The following P3H2 variants were observed in gnomAD, a reference collection of about 807,000 sequenced individuals.
P3H2 encodes leprecan-like 1.
A neutral mutation model predicts 87.0 loss-of-function variants in P3H2; 80 were observed. That is an observed-to-expected ratio of 0.92 (90% CI 0.77 to 1.11). P3H2 has a LOEUF of 1.11. Ranked by LOEUF, P3H2 falls within the 50% of genes least tolerant of loss-of-function variation. The pLI is 0.00. For missense variants in P3H2, 1,001 were observed against 923.9 expected (o/e 1.08, Z -1.08); for synonymous variants, 367 against 359.3 (o/e 1.02, Z -0.24).
intron 11 of P3H2, among the ~76,000 whole-genome samples, chr3:189,972,218 C>A (rs183871685): frequency 1.3e-5 from 2 of 152,228 alleles, no homozygotes; most frequent in African/African-American, 4.8e-5. Flanking sequence ...GAGCATGTCA[C>A]ACCTGTCTCT....
At chr3:190,101,750 A>AG (rs1711636166) in intron 1 of P3H2, among the ~76,000 whole-genome samples, 1 of 152,230 alleles carries the variant, frequency 6.6e-6, no homozygotes, top group Non-Finnish European at 1.5e-5. Context: ...TAATTAATAA[A>AG]GGTGGCTGCA....
At chr3:190,014,399 A>G (rs1724687530) in intron 1 of P3H2, among the ~76,000 whole-genome samples, 1 of 152,252 alleles carries the variant, frequency 6.6e-6, no homozygotes, top group South Asian at 2.1e-4. Context: ...CTAAAGGAGC[A>G]GACACCTAGG....
chr3:190,103,779 A>C (rs1711725502), intron 1 of P3H2, among the ~76,000 whole-genome samples: 1 of 152,122 alleles, frequency 6.6e-6, no homozygotes, highest in Admixed American at 6.5e-5. Context: ...TTTATTCAAC[A>C]TTAGAAAAGT....
chr3:190,095,303 CATATATATATAT>C lies in P3H2; in HGVS notation c.480+24937_480+24948del, dbSNP rs57074960. ...GTCTCAAAGACAAATTGTCTCAAAA[CATATATATATAT>C]ATATATATATATATATATATATATA... is the stretch of plus-strand genomic sequence containing the variant. On this transcript the variant is annotated intron_variant, in intron 1 of 14. Transcript: ENST00000319332. Among the ~76,000 whole-genome samples the C allele has an allele frequency of 7.0e-3, 345 of 49,438 alleles. 2 individuals are homozygous for C. The highest frequency in any genetic ancestry group is 0.011 in the African/African-American group (117 of 11,140). 32.4% of individuals were successfully genotyped at this position (49,438 alleles called of 152,430 possible). A position where few individuals can be genotyped will look rare whatever the true frequency, so the allele number is the denominator to read the frequency against.
chr3:190,043,455 A>G (rs1725704264), intron 1 of P3H2, among the ~76,000 whole-genome samples: 1 of 152,134 alleles, frequency 6.6e-6, no homozygotes, highest in Non-Finnish European at 1.5e-5. Flanking sequence ...TTAAACTTGT[A>G]CTTTACACAG....
At chr3:190,080,868 A>T (rs182887415) in intron 1 of P3H2, among the ~76,000 whole-genome samples, 2 of 152,374 alleles carry the variant, frequency 1.3e-5, no homozygotes. Context: ...TTGAATTCAC[A>T]GAAACCCTCC....
intron 1 of P3H2, among the ~76,000 whole-genome samples, chr3:190,055,166 T>A (rs1392546034): frequency 6.8e-6 from 1 of 146,352 alleles, no homozygotes; most frequent in Non-Finnish European, 1.5e-5. Flanking sequence ...TGACCCCTGT[T>A]GTCCACAAAC....
intron 1 of P3H2, among the ~76,000 whole-genome samples, chr3:190,001,646 A>G (rs189190682): frequency 1.1e-4 from 17 of 152,330 alleles, no homozygotes; most frequent in Middle Eastern, 3.4e-3. Flanking sequence ...CTAGCAGCAT[A>G]AGCACAACAG....
At chr3:190,010,232 T>G (rs1160973698) in intron 1 of P3H2, among the ~76,000 whole-genome samples, 1 of 152,072 alleles carries the variant, frequency 6.6e-6, no homozygotes, top group Non-Finnish European at 1.5e-5. Flanking sequence ...ATTTTGCAAA[T>G]AAGAAGAATG....
intron 1 of P3H2, among the ~76,000 whole-genome samples, chr3:190,042,854 A>AT (rs1380822126): frequency 2.0e-5 from 3 of 152,036 alleles, no homozygotes; most frequent in African/African-American, 7.2e-5. Context: ...AGCCCTTAAC[A>AT]TTTTTTTTCA....
Position 189,983,110 on chromosome 3 carries a change from T to C in P3H2, c.1260A>G (p.Ala420=). Residue 420 remains alanine, a synonymous_variant, in exon 8 of 15, where the codon GCA becomes GCG. Coordinates refer to ENST00000319332, the MANE Select transcript of P3H2 (RefSeq NM_018192.4). ...TTCCCATTGAGAATCCATGAACTTC[T>C]GCTCCCTCTACGTTCACTCCTGAAG... is the stretch of plus-strand genomic sequence containing the variant. ...RVPSGVNVEG[A]EVHGFSMGKK... is the part of the protein sequence containing the mutation. The C allele has an allele frequency of 6.2e-7, 1 of 1,613,936 alleles. No individual in the cohort carries two copies.
At chr3:190,013,127 G>A (rs1448494528) in intron 1 of P3H2, among the ~76,000 whole-genome samples, 1 of 152,104 alleles carries the variant, frequency 6.6e-6, no homozygotes, top group African/African-American at 2.4e-5. Context: ...AGGCACACAG[G>A]GCATGGATGT....
At chr3:190,050,848 A>G (rs1053952449) in intron 1 of P3H2, among the ~76,000 whole-genome samples, 1 of 152,218 alleles carries the variant, frequency 6.6e-6, no homozygotes, top group Non-Finnish European at 1.5e-5. Context: ...TACCTATACT[A>G]GTGACCTCCT....
chr3:190,027,372 C>T (rs1319050319), intron 1 of P3H2, among the ~76,000 whole-genome samples: 2 of 152,086 alleles, frequency 1.3e-5, no homozygotes, highest in African/African-American at 4.8e-5. Flanking sequence ...TCACAGCCAG[C>T]GAATTCCACC....
In P3H2 at chr3:189,974,585, C is replaced by A. The variant is rs754583836; in HGVS notation, c.1425G>T (p.Gln475His). 6.2e-7 allele frequency: 1 copy of A among 1,613,990 alleles called. No homozygotes were observed. The highest frequency in any genetic ancestry group is 2.2e-5 in the East Asian group (1 of 44,894). The change falls in exon 9 of 15, where the codon CAG becomes CAT. Residue 475 changes from glutamine (Q) to histidine (H), a missense_variant. Transcript: ENST00000319332. ...TGGCCACGCTGTGGAGCTCCCGGCA[C>A]TGTTCTTCCGACAGGACGTTATCCA... is the stretch of plus-strand genomic sequence containing the variant. ...VLLDNVLSEE[Q>H]CRELHSVASG...
intron 1 of P3H2, among the ~76,000 whole-genome samples, chr3:190,089,906 T>C (rs1727353901): frequency 6.6e-6 from 1 of 152,114 alleles, no homozygotes; most frequent in Non-Finnish European, 1.5e-5. Flanking sequence ...CATCACATTT[T>C]AGTCACAGGG....
At chr3:190,043,459 T>C (rs1725704477) in intron 1 of P3H2, among the ~76,000 whole-genome samples, 1 of 152,178 alleles carries the variant, frequency 6.6e-6, no homozygotes, top group Non-Finnish European at 1.5e-5. Flanking sequence ...ACTTGTACTT[T>C]ACACAGGTGG....
chr3:190,013,951 G>A (rs562227481), intron 1 of P3H2, among the ~76,000 whole-genome samples: 27 of 152,106 alleles, frequency 1.8e-4, no homozygotes, highest in Non-Finnish European at 2.9e-4. Flanking sequence ...GAAAAAAGTA[G>A]GTGTAATGTT....
chr3:190,096,797 A>C (rs1160889960), intron 1 of P3H2, among the ~76,000 whole-genome samples: 1 of 152,200 alleles, frequency 6.6e-6, no homozygotes, highest in Non-Finnish European at 1.5e-5. Context: ...GAATTGCTAA[A>C]TTTCAATCTC....
Sources: allele counts gnomAD v4.1 joint callset (sites outside exome capture counted in the v4.1 genomes callset), GRCh38; gene constraint gnomAD v4.1.1; transcripts MANE v1.5; gene names NCBI Gene and HGNC (gene_info 2026-07-23, HGNC 2026-07-21).